Variants in ALPK1 observed in about 807,000 individuals in gnomAD.
The protein encoded by ALPK1 is alpha-protein kinase 1.
ALPK1 carries 110 observed loss-of-function variants against 120.6 expected under a neutral mutation model. The observed-to-expected ratio is 0.91, with a 90% CI of 0.78 to 1.07. The LOEUF (loss-of-function observed/expected upper bound fraction) is 1.07, where lower values mean the gene tolerates loss of function less well. Ranked by LOEUF, ALPK1 falls within the 50% of genes least tolerant of loss-of-function variation. The pLI is 0.00. For synonymous variants in ALPK1, 582 were observed against 560.3 expected, an observed-to-expected ratio of 1.04 and a Z score of -0.55; for missense variants, 1,498 against 1,483.9, an observed-to-expected ratio of 1.01 and a Z score of -0.16.
chr4:112,426,017 C>T (rs1471633548), intron 7 of ALPK1: 1 of 308,018 alleles, frequency 3.2e-6, no homozygotes, highest in Non-Finnish European at 6.1e-6. Flanking sequence ...TTATTTCTAG[C>T]ATCTGACTCA....
At chr4:112,339,174 A>G (rs533520046) in intron 2 of ALPK1, among the ~76,000 whole-genome samples, 1 of 152,334 alleles carries the variant, frequency 6.6e-6, no homozygotes, top group Non-Finnish European at 1.5e-5. Context: ...AGTTTGTACA[A>G]GGTTATCCAA....
chr4:112,305,023 T>C (rs1481492086), intron 1 of ALPK1, among the ~76,000 whole-genome samples: 1 of 152,160 alleles, frequency 6.6e-6, no homozygotes, highest in East Asian at 1.9e-4. Context: ...TCCCCATTTC[T>C]TGTTTTTGTC....
chr4:112,319,284 C>G (rs1340239098), intron 2 of ALPK1, among the ~76,000 whole-genome samples: 2 of 152,104 alleles, frequency 1.3e-5, no homozygotes, highest in Non-Finnish European at 2.9e-5. Context: ...GAGAACATGA[C>G]CAAAGACTTT....
rs1734560618 is a variant in ALPK1 at position 112,431,660 on chromosome 4, G to A, written c.2113G>A (p.Gly705Arg). The A allele has an allele frequency of 6.2e-7, 1 of 1,614,106 alleles. No individual in the cohort carries two copies. Among genetic ancestry groups the A allele is most frequent in the Non-Finnish European group, 8.5e-7 (1 of 1,180,018 alleles). ...PEGIQEVRNM[G>R]PRNTSAHSRP... ...AGGTATCCAGGAAGTCAGAAATATG[G>A]GACCCAGAAATACTTCTGCTCACTC... Residue 705 changes from glycine (G) to arginine (R), a missense_variant, in exon 11 of 16, where the codon GGA becomes AGA. Gly to Arg is a moderately radical substitution (Grantham distance 125, BLOSUM62 -2). Transcript: ENST00000650871.
chr4:112,369,419 T>C (rs2148721704), intron 2 of ALPK1, among the ~76,000 whole-genome samples: 1 of 152,364 alleles, frequency 6.6e-6, no homozygotes, highest in East Asian at 1.9e-4. Flanking sequence ...AGCTGGATTG[T>C]CATTGCTTGG....
intron 1 of ALPK1, among the ~76,000 whole-genome samples, chr4:112,302,869 T>A (rs1727852886): frequency 6.6e-6 from 1 of 152,218 alleles, no homozygotes; most frequent in South Asian, 2.1e-4. Context: ...CTTCACCTTT[T>A]ACTTCTACCT....
chr4:112,349,063 T>G (rs1730216428), intron 2 of ALPK1, among the ~76,000 whole-genome samples: 1 of 152,120 alleles, frequency 6.6e-6, no homozygotes, highest in Non-Finnish European at 1.5e-5. Context: ...TTGTTTTTTT[T>G]TTGTCTTGTT....
intron 2 of ALPK1, chr4:112,359,715 C>A: frequency 3.8e-6 from 1 of 261,242 alleles, no homozygotes; most frequent in Non-Finnish European, 7.7e-6. Context: ...TGGACTTTCC[C>A]ACGGGCATGC....
intron 2 of ALPK1, chr4:112,358,022 G>C (rs1730723305): frequency 3.2e-6 from 2 of 624,096 alleles, no homozygotes; most frequent in African/African-American, 3.6e-5. Context: ...GGACTTCTCA[G>C]ACACTAATGG....
At chr4:112,436,385 A>G (rs1734790010) in intron 12 of ALPK1, among the ~76,000 whole-genome samples, 1 of 152,206 alleles carries the variant, frequency 6.6e-6, no homozygotes, top group Non-Finnish European at 1.5e-5. Flanking sequence ...CAGTAGGGGC[A>G]TGTGCTGATG....
In ALPK1 at chr4:112,388,133, C is replaced by T. The variant is rs148162739; in HGVS notation, c.276+5581C>T. On this transcript the variant is annotated intron_variant, in intron 4 of 15. Coordinates refer to ENST00000650871, the MANE Select transcript of ALPK1 (RefSeq NM_025144.4). ...TCATTCTTTTTTATGGCTGCATAGT[C>T]AGAATATTTTTTCTAATATGTCTCT... Among the ~76,000 whole-genome samples the T allele has an allele frequency of 1.3e-3, 205 of 152,270 alleles. 3 individuals are homozygous for T. Among genetic ancestry groups the T allele is most frequent in the African/African-American group, 4.8e-3 (201 of 41,566 alleles).
At chr4:112,304,709 A>T (rs1265608715) in intron 1 of ALPK1, among the ~76,000 whole-genome samples, 1 of 151,816 alleles carries the variant, frequency 6.6e-6, no homozygotes, top group African/African-American at 2.4e-5. Flanking sequence ...TTGCCTGTTC[A>T]CTCTGATGGT....
intron 4 of ALPK1, among the ~76,000 whole-genome samples, chr4:112,408,333 G>T (rs1165375101): frequency 1.4e-4 from 22 of 152,180 alleles, no homozygotes; most frequent in Admixed American, 1.4e-3. Context: ...ACAAAACAAA[G>T]GACTATATCT....
intron 5 of ALPK1, among the ~76,000 whole-genome samples, chr4:112,419,951 A>G (rs1733917703): frequency 6.6e-6 from 1 of 152,258 alleles, no homozygotes; most frequent in African/African-American, 2.4e-5. Context: ...GGTAGCTCTT[A>G]TTGTTATTAT....
At chr4:112,441,157 T>G in intron 15 of ALPK1, 46 bp from the exon 16 acceptor site, 1 of 1,613,800 alleles carries the variant, frequency 6.2e-7, no homozygotes, top group African/African-American at 1.3e-5. Context: ...AGTGATGCTC[T>G]CAAATATCTG....
At chr4:112,313,541 G>A (rs920015655) in intron 1 of ALPK1, among the ~76,000 whole-genome samples, 1 of 152,148 alleles carries the variant, frequency 6.6e-6, no homozygotes, top group African/African-American at 2.4e-5. Flanking sequence ...TGCCCAACAT[G>A]GTGAAAACCC....
At chr4:112,326,969 G>C (rs566073776) in intron 2 of ALPK1, among the ~76,000 whole-genome samples, 1 of 152,312 alleles carries the variant, frequency 6.6e-6, no homozygotes, top group African/African-American at 2.4e-5. Context: ...CTGCATTTCT[G>C]CCTGTACCCT....
intron 4 of ALPK1, among the ~76,000 whole-genome samples, chr4:112,403,522 C>T (rs188702592): frequency 3.7e-4 from 57 of 152,250 alleles, no homozygotes; most frequent in Admixed American, 2.7e-3. Flanking sequence ...GGGCCCTGAA[C>T]GGAGTTAAAT....
rs58666098 is a variant in ALPK1, at chr4:112,346,035, G to A, written c.-101+30183G>A. Among the ~76,000 whole-genome samples the A allele has an allele frequency of 3.9e-3, 592 of 152,252 alleles. 5 individuals carry two copies. Among genetic ancestry groups the A allele is most frequent in the African/African-American group, 0.013 (553 of 41,556 alleles). On this transcript the variant is annotated intron_variant, in intron 2 of 15. Transcript: ENST00000650871. ...TGCGCTGCCATGCCAGGCTAATTTT[G>A]TATTTTTAGTAGAGATGGGGTTTCT... is the stretch of plus-strand genomic sequence containing the variant.
Sources: gnomAD v4.1 joint callset for allele counts (sites outside exome capture counted in the v4.1 genomes callset) on GRCh38, gnomAD v4.1.1 for gene constraint, MANE v1.5 for transcripts, NCBI Gene and HGNC (gene_info 2026-07-23, HGNC 2026-07-21) for gene names.